Variants in PIGK observed in about 807,000 individuals in gnomAD.
PIGK encodes the protein phosphatidylinositol glycan anchor biosynthesis class K.
A neutral mutation model predicts 50.6 loss-of-function variants in PIGK; 42 were observed. The observed-to-expected ratio is 0.83, with a 90% confidence interval of 0.65 to 1.07. The LOEUF (loss-of-function observed/expected upper bound fraction) is 1.07, where lower values mean the gene tolerates loss of function less well. Among genes scored for constraint, PIGK ranks in the 50% least tolerant of loss-of-function variants. The pLI is 0.00. For missense variants in PIGK, 448 were observed against 488.7 expected (o/e 0.92, Z 0.78); for synonymous variants, 151 against 156.0 (o/e 0.97, Z 0.24).
chr1:77,108,578 C>G (rs1248208554), intron 10 of PIGK, among the ~76,000 whole-genome samples: 1 of 151,966 alleles, frequency 6.6e-6, no homozygotes, highest in Non-Finnish European at 1.5e-5. Flanking sequence ...CTTGGAGTTG[C>G]TCTTCTCGAG....
intron 10 of PIGK, among the ~76,000 whole-genome samples, chr1:77,116,560 CTCTGTG>C (rs1041671193): frequency 2.9e-5 from 3 of 103,902 alleles, no homozygotes; most frequent in Middle Eastern, 4.4e-3. Context: ...TTAAATGTGT[CTCTGTG>C]TGTGTGTGTG....
At chr1:77,104,508 T>C (rs776231288) in intron 10 of PIGK, among the ~76,000 whole-genome samples, 6 of 151,444 alleles carry the variant, frequency 4.0e-5, no homozygotes, top group Non-Finnish European at 8.8e-5. Context: ...AAAATAGCAA[T>C]AGAAATTATT....
chr1:77,150,063 A>G (rs1654859298), intron 9 of PIGK, among the ~76,000 whole-genome samples: 1 of 152,182 alleles, frequency 6.6e-6, no homozygotes, highest in Non-Finnish European at 1.5e-5. Flanking sequence ...CAAACACAAC[A>G]TATCAGAATA....
intron 9 of PIGK, among the ~76,000 whole-genome samples, chr1:77,126,362 A>G (rs1274158175): frequency 6.6e-6 from 1 of 151,846 alleles, no homozygotes; most frequent in Non-Finnish European, 1.5e-5. Flanking sequence ...GTAACAAGTT[A>G]TCTTGCAATG....
chr1:77,211,778 A>G (rs928201207), intron 1 of PIGK, among the ~76,000 whole-genome samples: 2 of 151,262 alleles, frequency 1.3e-5, no homozygotes, highest in Admixed American at 6.6e-5. Flanking sequence ...TACAACACCC[A>G]TAAAGATTGC....
intron 10 of PIGK, among the ~76,000 whole-genome samples, chr1:77,096,409 G>T (rs1033505181): frequency 6.6e-6 from 1 of 152,058 alleles, no homozygotes; most frequent in African/African-American, 2.4e-5. Flanking sequence ...CAGGTCTTAT[G>T]ACTTCTTTTG....
chr1:77,097,950 TAA>T (rs1653458003), intron 10 of PIGK, among the ~76,000 whole-genome samples: 1 of 151,666 alleles, frequency 6.6e-6, no homozygotes, highest in African/African-American at 2.4e-5. Flanking sequence ...CAGAGAGGGG[TAA>T]ACAGTCAGAA....
chr1:77,119,566 G>A (rs1476733057), intron 10 of PIGK, among the ~76,000 whole-genome samples: 1 of 152,126 alleles, frequency 6.6e-6, no homozygotes, highest in Non-Finnish European at 1.5e-5. Flanking sequence ...TATTTTCTAG[G>A]ATGGCTAGAA....
intron 10 of PIGK, among the ~76,000 whole-genome samples, chr1:77,109,819 T>C (rs543082592): frequency 2.0e-5 from 3 of 152,282 alleles, no homozygotes; most frequent in African/African-American, 7.2e-5. Context: ...GGAAGTCAAA[T>C]TGTCCCTGTT....
Position 77,157,954 on chromosome 1 carries a change from G to A in PIGK, c.814-3333C>T, listed in dbSNP as rs1655045639. 2.6e-5 allele frequency among the ~76,000 whole-genome samples: 4 copies of A among 152,080 alleles called. No homozygotes were observed. In the South Asian group the frequency reaches 8.3e-4, roughly 31 times the overall value. On this transcript the variant is annotated intron_variant, in intron 8 of 10. Coordinates refer to ENST00000370812, the MANE Select transcript of PIGK (RefSeq NM_005482.3). ...ACCTCCTTTGCCTTCCACAATGATT[G>A]TGAGGCCTCTCCAGCCATGTGGAAC...
intron 9 of PIGK, among the ~76,000 whole-genome samples, chr1:77,133,757 C>A (rs1208603163): frequency 6.6e-6 from 1 of 152,120 alleles, no homozygotes; most frequent in Non-Finnish European, 1.5e-5. Context: ...AATGGTGAGG[C>A]CCTTCAAGGT....
At position 77,185,010 on chromosome 1, in the gene PIGK, C is replaced by G. The variant is rs1304557696; in HGVS notation, c.240-15615G>C. 5.3e-5 allele frequency among the ~76,000 whole-genome samples: 8 copies of G among 152,306 alleles called. No homozygotes were observed. In the East Asian group the frequency reaches 1.5e-3, roughly 29 times the overall value. ...AAGACAGATGGATCTTGGAGAATGA[C>G]AGCAGATTATCATAAACTTAACCAA... On this transcript the variant is annotated intron_variant, in intron 3 of 10. Transcript: ENST00000370812.
At position 77,186,642 on chromosome 1, in the gene PIGK, C is replaced by T. The variant is rs546186395; in HGVS notation, c.240-17247G>A. Reference sequence around the variant, plus strand: ...TAACAATCAAGTAGATATGAGGACCCGTTCTGTGGACATCACTCAGCCTGT... The same window carrying T: ...TAACAATCAAGTAGATATGAGGACCTGTTCTGTGGACATCACTCAGCCTGT... On this transcript the variant is annotated intron_variant, in intron 3 of 10. Transcript: ENST00000370812. Among the ~76,000 whole-genome samples, 3 of 152,258 alleles carry T rather than the reference C, an allele frequency of 2.0e-5. No homozygotes were observed. In the East Asian group the frequency reaches 5.8e-4, roughly 29 times the overall value.
chr1:77,157,988 C>T (rs1655048707), intron 8 of PIGK, among the ~76,000 whole-genome samples: 1 of 152,088 alleles, frequency 6.6e-6, no homozygotes, highest in Admixed American at 6.5e-5. Flanking sequence ...ACTATAAGCC[C>T]ATTAAACCTC....
In PIGK at chr1:77,100,160, G is replaced by C. The variant is rs533228038; in HGVS notation, c.1072-7670C>G. On this transcript the variant is annotated intron_variant, in intron 10 of 10. Transcript: ENST00000370812. ...GAAAAAACTTAGGATTTTGAAAACT[G>C]TACACATTTATTGGGAAGCAAATGG... Among the ~76,000 whole-genome samples, 110 of 152,208 alleles carry C rather than the reference G, an allele frequency of 7.2e-4. 2 individuals carry two copies. In the South Asian group the frequency reaches 0.017, roughly 23 times the overall value.
chr1:77,166,912 T>C, intron 4 of PIGK, 82 bp from the exon 5 acceptor site: 1 of 722,576 alleles, frequency 1.4e-6, no homozygotes, highest in Admixed American at 2.8e-5. Flanking sequence ...TCAAAAATGT[T>C]CATTGTTCTT....
chr1:77,134,807 C>T (rs1477690752), intron 9 of PIGK, among the ~76,000 whole-genome samples: 2 of 152,162 alleles, frequency 1.3e-5, no homozygotes, highest in African/African-American at 4.8e-5. Context: ...AAATTGTACA[C>T]TACTACTTTT....
intron 9 of PIGK, among the ~76,000 whole-genome samples, chr1:77,148,696 C>T (rs1431353611): frequency 1.3e-5 from 2 of 150,920 alleles, no homozygotes; most frequent in African/African-American, 2.4e-5. Context: ...ATTGAAGTTA[C>T]GTTAGCATCA....
intron 2 of PIGK, among the ~76,000 whole-genome samples, chr1:77,207,791 A>G (rs1656321894): frequency 6.6e-6 from 1 of 152,202 alleles, no homozygotes; most frequent in Non-Finnish European, 1.5e-5. Flanking sequence ...TGAGAACAGC[A>G]TAAGTGTTCT....
Sources: gnomAD v4.1 joint callset for allele counts (sites outside exome capture counted in the v4.1 genomes callset) on GRCh38, gnomAD v4.1.1 for gene constraint, MANE v1.5 for transcripts, NCBI Gene and HGNC (gene_info 2026-07-23, HGNC 2026-07-21) for gene names.